The following AGXT2 variants were observed in gnomAD, a reference collection of about 807,000 sequenced individuals.
AGXT2 encodes alanine--glyoxylate aminotransferase 2.
Under a neutral mutation model 62.5 loss-of-function variants are expected in AGXT2, and 61 were observed. The ratio of observed to expected loss-of-function variants is 0.98; its 90% CI spans 0.79 to 1.21. The LOEUF is 1.21. AGXT2 is among the 50% of genes most tolerant of loss of function. AGXT2 has a pLI of 0.00. For synonymous variants in AGXT2, 243 were observed against 218.7 expected (o/e 1.11, Z -0.98); for missense variants, 666 against 641.5 (o/e 1.04, Z -0.41).
intron 2 of AGXT2, 41 bp from the exon 3 acceptor site, chr5:35,039,549 G>C (rs1358494075): frequency 6.3e-7 from 1 of 1,593,772 alleles, no homozygotes; most frequent in Admixed American, 1.7e-5. Flanking sequence ...CTTCTTACAA[G>C]ATCAATAGCA....
rs1045079207 is a variant in AGXT2, at chr5:35,042,367, G to C, written c.89-1704C>G. ...AGGAAGAAAGGAAAGAAGGAGGAAA[G>C]AAAGAAGAAAGAGGAAGGAAGAAAT... On this transcript the variant is annotated intron_variant, in intron 1 of 13. Transcript: ENST00000231420. Among the ~76,000 whole-genome samples the C allele has an allele frequency of 7.9e-5, 12 of 152,150 alleles. No individual in the cohort carries two copies. In the East Asian group the frequency reaches 2.3e-3, roughly 29 times the overall value.
chr5:35,033,493 C>T lies in AGXT2; in HGVS notation c.642G>A (p.Lys214=). 6.2e-7 allele frequency: 1 copy of T among 1,613,832 alleles called. No homozygotes were observed. Among genetic ancestry groups the T allele is most frequent in the Non-Finnish European group, 8.5e-7 (1 of 1,179,716 alleles). Residue 214 remains lysine, a synonymous_variant, in exon 6 of 14, where the codon AAG becomes AAA. Coordinates refer to ENST00000231420, the MANE Select transcript of AGXT2 (RefSeq NM_031900.4). ...TLGLTNVGTY[K]MELPGGTGCQ... The stretch of plus-strand genomic sequence containing the variant: ...AACCTGTCCCACCAGGGAGTTCCAT[C>T]TTGTAGGTCCCTACGTTTGTCAAGC...
Position 35,003,859 on chromosome 5 carries a change from T to C in AGXT2, c.1341A>G (p.Ile447Met), listed in dbSNP as rs759381276. The C allele has an allele frequency of 6.2e-7, 1 of 1,613,342 alleles. No homozygotes were observed. The highest frequency in any genetic ancestry group is 2.2e-5 in the East Asian group (1 of 44,878). The stretch of plus-strand genomic sequence containing the variant: ...CTTCACGGGGAAGAGGCCGACAGCT[T>C]ATCTGTAAATATATTTTTAAAATTC... ...MIGIEMVQDK[I>M]SCRPLPREEV... is the part of the protein sequence containing the mutation. The change falls in exon 13 of 14, where the codon ATA becomes ATG. Residue 447 changes from isoleucine (I) to methionine (M), a missense_variant and splice_region_variant. By Grantham distance (10) the Ile-to-Met change is conservative. Transcript: ENST00000231420.
At chr5:35,032,116 C>T (rs1767584343) in intron 7 of AGXT2, among the ~76,000 whole-genome samples, 1 of 150,122 alleles carries the variant, frequency 6.7e-6, no homozygotes, top group Admixed American at 6.6e-5. Context: ...CCATGCCTAG[C>T]TAATTTTTGT....
chr5:35,042,158 A>G (rs975025863), intron 1 of AGXT2, among the ~76,000 whole-genome samples: 3 of 152,216 alleles, frequency 2.0e-5, no homozygotes, highest in Non-Finnish European at 4.4e-5. Context: ...CCAAGGTTAT[A>G]GGATTTATGA....
chr5:35,026,765 T>G (rs1435984620), intron 7 of AGXT2: 3 of 905,280 alleles, frequency 3.3e-6, no homozygotes, highest in African/African-American at 1.8e-5. Flanking sequence ...CCACTTCAGT[T>G]CTTTCCATCT....
chr5:35,025,417 T>G (rs1438027445), intron 9 of AGXT2, among the ~76,000 whole-genome samples: 2 of 152,162 alleles, frequency 1.3e-5, no homozygotes, highest in Non-Finnish European at 2.9e-5. Flanking sequence ...ACCTTGGCTA[T>G]GAGATTAAAT....
chr5:35,003,888 C>A (rs1037753191), intron 12 of AGXT2, 27 bp from the exon 13 acceptor site: 1 of 1,606,254 alleles, frequency 6.2e-7, no homozygotes, highest in Admixed American at 1.7e-5. Context: ...AAAATTCTTT[C>A]TATTTGGTGT....
intron 9 of AGXT2, among the ~76,000 whole-genome samples, chr5:35,017,974 C>T (rs980908625): frequency 7.9e-5 from 12 of 151,712 alleles, no homozygotes; most frequent in South Asian, 2.1e-4. Flanking sequence ...AGGGTATCAG[C>T]GATGGAAGGT....
chr5:35,019,899 T>C (rs375012826), intron 9 of AGXT2, among the ~76,000 whole-genome samples: 7 of 152,188 alleles, frequency 4.6e-5, no homozygotes, highest in South Asian at 4.2e-4. Context: ...ATATCACCAC[T>C]GATCCCACAG....
chr5:35,002,582 A>G (rs1271020701), intron 13 of AGXT2, among the ~76,000 whole-genome samples: 2 of 152,218 alleles, frequency 1.3e-5, no homozygotes, highest in Non-Finnish European at 2.9e-5. Context: ...AAGCCCATGA[A>G]GGCCCAGGGA....
intron 7 of AGXT2, 83 bp from the exon 8 acceptor site, chr5:35,026,593 G>GA: frequency 4.9e-6 from 6 of 1,233,712 alleles, no homozygotes; most frequent in African/African-American, 3.1e-5. Context: ...GGGAAAAACA[G>GA]GAAAAAAAAA....
intron 7 of AGXT2, among the ~76,000 whole-genome samples, chr5:35,031,807 G>T (rs1324624099): frequency 6.6e-6 from 1 of 151,728 alleles, no homozygotes; most frequent in East Asian, 1.9e-4. Flanking sequence ...TTTTTGACTG[G>T]AGTTTTGAGA....
intron 9 of AGXT2, among the ~76,000 whole-genome samples, chr5:35,015,523 C>A (rs1766818678): frequency 6.6e-6 from 1 of 152,078 alleles, no homozygotes; most frequent in African/African-American, 2.4e-5. Flanking sequence ...GGGATGTGGG[C>A]ACTAGAAGCC....
At chr5:35,014,303 A>G (rs752779253) in intron 9 of AGXT2, among the ~76,000 whole-genome samples, 184 bp from the exon 10 acceptor site, 2 of 151,904 alleles carry the variant, frequency 1.3e-5, no homozygotes, top group Non-Finnish European at 2.9e-5. Flanking sequence ...AATACAAAAA[A>G]TTAGCCGGGC....
chr5:35,005,348 C>T (rs747912581), intron 12 of AGXT2, among the ~76,000 whole-genome samples: 2 of 152,180 alleles, frequency 1.3e-5, no homozygotes, highest in Non-Finnish European at 2.9e-5. Context: ...CCTGCCTCAG[C>T]CTCCCCACTA....
chr5:35,040,875 GA>G (rs3215066), intron 1 of AGXT2, among the ~76,000 whole-genome samples: 2 of 151,748 alleles, frequency 1.3e-5, no homozygotes, highest in Non-Finnish European at 2.9e-5. Flanking sequence ...ATATAGTCTG[GA>G]AAAAAAATCT....
chr5:35,023,264 G>C (rs963330591), intron 9 of AGXT2, among the ~76,000 whole-genome samples: 1 of 151,894 alleles, frequency 6.6e-6, no homozygotes, highest in African/African-American at 2.4e-5. Context: ...CATGAGAAAG[G>C]ACTAATACGT....
At chr5:35,035,631 G>A (rs1180388447) in intron 4 of AGXT2, among the ~76,000 whole-genome samples, 1 of 152,214 alleles carries the variant, frequency 6.6e-6, no homozygotes, top group African/African-American at 2.4e-5. Context: ...ACGCAGTGGT[G>A]AGTAGCTGAT....
Sources: gnomAD v4.1 joint callset for allele counts (sites outside exome capture counted in the v4.1 genomes callset) on GRCh38, gnomAD v4.1.1 for gene constraint, MANE v1.5 for transcripts, NCBI Gene and HGNC (gene_info 2026-07-23, HGNC 2026-07-21) for gene names.